FRMPD4: variants seen among roughly 807,000 people sequenced by gnomAD.
FRMPD4 encodes the protein FERM and PDZ domain containing 4, also known as FERM and PDZ domain-containing protein 4.
FRMPD4 carries 22 observed loss-of-function variants against 94.1 expected under a neutral mutation model. The observed-to-expected ratio is 0.23, with a 90% CI of 0.17 to 0.33. The LOEUF (loss-of-function observed/expected upper bound fraction) is 0.33. FRMPD4 is among the 10% of genes least tolerant of loss of function. The pLI, the probability that FRMPD4 is intolerant of heterozygous loss-of-function variation, is 1.00. For missense variants in FRMPD4, 1,111 were observed against 1,339.9 expected (o/e 0.83, Z 2.67); for synonymous variants, 631 against 548.6 (o/e 1.15, Z -2.10).
intron 2 of FRMPD4, among the ~76,000 whole-genome samples, chrX:12,548,974 GTC>G (rs1317295690): frequency 9.0e-6 from 1 of 111,568 alleles, no homozygotes; most frequent in Non-Finnish European, 1.9e-5. Context: ...TACCAGGAGA[GTC>G]ACAGTTTCTG....
chrX:11,879,626 T>C (rs1011526745), intron 3 of FRMPD4, among the ~76,000 whole-genome samples: 3 of 111,202 alleles, frequency 2.7e-5, no homozygotes, highest in African/African-American at 6.5e-5. Flanking sequence ...AATAGTTTGA[T>C]AGTCATTAGA....
intron 1 of FRMPD4, among the ~76,000 whole-genome samples, chrX:12,482,825 G>T (rs940890202): frequency 8.9e-6 from 1 of 111,806 alleles, no homozygotes; most frequent in Non-Finnish European, 1.9e-5. Context: ...GAAATCTGCT[G>T]TGTATTTCAG....
At chrX:11,988,076 GA>G (rs71103359) in intron 3 of FRMPD4, among the ~76,000 whole-genome samples, 1 of 110,891 alleles carries the variant, frequency 9.0e-6, no homozygotes, top group African/African-American at 3.3e-5. Flanking sequence ...CACAGAAATA[GA>G]AAAAAACAAC....
chrX:12,070,193 G>C, intron 3 of FRMPD4, among the ~76,000 whole-genome samples: 1 of 109,542 alleles, frequency 9.1e-6, no homozygotes, highest in East Asian at 2.9e-4. Context: ...CAAGAGGAGG[G>C]GTGGGTCCAG....
chrX:11,931,919 C>T (rs1454580045), intron 3 of FRMPD4, among the ~76,000 whole-genome samples: 1 of 111,775 alleles, frequency 8.9e-6, no homozygotes, highest in Admixed American at 9.5e-5. Flanking sequence ...TTCTAAGGGA[C>T]CTTAAAAAGA....
At chrX:12,155,581 C>CAAAAAAA (rs60727413) in intron 1 of FRMPD4, among the ~76,000 whole-genome samples, 1 of 21,920 alleles carries the variant, frequency 4.6e-5, no homozygotes, top group African/African-American at 1.4e-4. Context: ...CATATCCTCA[C>CAAAAAAA]AAAAAAAAAA....
intron 3 of FRMPD4, among the ~76,000 whole-genome samples, chrX:11,967,756 G>GTGTGTGTGTTTTTTTTTTTTTTT (rs36019385): frequency 2.1e-4 from 14 of 65,550 alleles, no homozygotes; most frequent in Non-Finnish European, 3.1e-4. Context: ...GTGTGTGTGT[G>GTGTGTGTGTTTTTTTTTTTTTTT]TTTTTTTTTT....
intron 4 of FRMPD4, among the ~76,000 whole-genome samples, chrX:12,627,975 A>C (rs2059361712): frequency 9.0e-6 from 1 of 110,896 alleles, no homozygotes; most frequent in Admixed American, 9.6e-5. Context: ...ATGAAAAGAC[A>C]AAAAAAAATC....
chrX:12,259,967 A>G (rs937147610), intron 1 of FRMPD4, among the ~76,000 whole-genome samples: 3 of 111,626 alleles, frequency 2.7e-5, no homozygotes, highest in Non-Finnish European at 3.8e-5. Flanking sequence ...TTGTTATTTC[A>G]TTTCTCAGTT....
At chrX:11,933,501 A>G in intron 3 of FRMPD4, among the ~76,000 whole-genome samples, 1 of 112,774 alleles carries the variant, frequency 8.9e-6, no homozygotes, top group Middle Eastern at 4.6e-3. Context: ...CAGCAAGGAA[A>G]AAGCCAGTAG....
intron 1 of FRMPD4, among the ~76,000 whole-genome samples, chrX:12,233,660 G>A (rs2057037767): frequency 1.8e-5 from 2 of 111,842 alleles, no homozygotes; most frequent in Admixed American, 1.9e-4. Flanking sequence ...AATGTGTGCA[G>A]TGGGTAGGAA....
chrX:11,983,579 A>T (rs1256493399), intron 3 of FRMPD4, among the ~76,000 whole-genome samples: 1 of 111,720 alleles, frequency 9.0e-6, no homozygotes, highest in Non-Finnish European at 1.9e-5. Flanking sequence ...AGTCATTTTC[A>T]TCAGAAGGAT....
intron 2 of FRMPD4, among the ~76,000 whole-genome samples, chrX:11,872,229 T>C (rs2053759644): frequency 8.9e-6 from 1 of 112,317 alleles, no homozygotes; most frequent in South Asian, 3.7e-4. Context: ...ACTTAAGTCT[T>C]TCATGGTTAG....
intron 3 of FRMPD4, among the ~76,000 whole-genome samples, chrX:12,127,482 T>G (rs1343020161): frequency 9.0e-6 from 1 of 111,494 alleles, no homozygotes; most frequent in African/African-American, 3.3e-5. Context: ...GGGTAACTGC[T>G]CCCATGATTC....
At chrX:12,072,175 T>C (rs2054974735) in intron 3 of FRMPD4, among the ~76,000 whole-genome samples, 1 of 111,235 alleles carries the variant, frequency 9.0e-6, no homozygotes, top group South Asian at 3.8e-4. Flanking sequence ...TGTTTAATCA[T>C]GACTCATAGC....
chrX:11,966,011 T>C (rs2147376712), intron 3 of FRMPD4, among the ~76,000 whole-genome samples: 1 of 112,011 alleles, frequency 8.9e-6, no homozygotes, highest in African/African-American at 3.2e-5. Flanking sequence ...TTAAGCACTA[T>C]ACTTGATAAA....
At chrX:12,015,016 G>T (rs2054598302) in intron 3 of FRMPD4, among the ~76,000 whole-genome samples, 1 of 111,471 alleles carries the variant, frequency 9.0e-6, no homozygotes, top group Non-Finnish European at 1.9e-5. Flanking sequence ...GATATATAAA[G>T]AAGAAGAAGA....
intron 3 of FRMPD4, among the ~76,000 whole-genome samples, chrX:11,896,200 GA>G (rs368721405): frequency 4.4e-4 from 48 of 108,286 alleles, no homozygotes; most frequent in Admixed American, 8.8e-4. Flanking sequence ...GTATTTTAAA[GA>G]AAAAAAAAAT....
chrX:12,237,516 A>G (rs1257546511), intron 1 of FRMPD4, among the ~76,000 whole-genome samples: 4 of 112,196 alleles, frequency 3.6e-5, no homozygotes, highest in East Asian at 2.8e-4. Context: ...AACATATTCT[A>G]TTTGCTCTTG....
Sources: gnomAD v4.1 joint callset for allele counts (sites outside exome capture counted in the v4.1 genomes callset) on GRCh38, gnomAD v4.1.1 for gene constraint, MANE v1.5 for transcripts, NCBI Gene and HGNC (gene_info 2026-07-23, HGNC 2026-07-21) for gene names.